KCNMA1: variants seen among roughly 807,000 people sequenced by gnomAD.
KCNMA1 encodes the protein Calcium-activated potassium channel subunit alpha-1.
Under a neutral mutation model 140.0 loss-of-function variants are expected in KCNMA1, and 29 were observed. The ratio of observed to expected loss-of-function variants is 0.21; its 90% CI spans 0.15 to 0.28. The LOEUF is 0.28. KCNMA1 is among the 10% of genes least tolerant of loss of function. The pLI, the probability that KCNMA1 is intolerant of heterozygous loss-of-function variation, is 1.00. For synonymous variants in KCNMA1, 612 were observed against 611.9 expected (o/e 1.00, Z 0.00); for missense variants, 880 against 1,602.2 (o/e 0.55, Z 7.70).
intron 2 of KCNMA1, among the ~76,000 whole-genome samples, chr10:77,258,721 G>A (rs555923703): frequency 6.6e-6 from 1 of 152,272 alleles, no homozygotes; most frequent in Non-Finnish European, 1.5e-5. Flanking sequence ...CCAACACTTT[G>A]GGAGGCTGAG....
chr10:77,218,748 G>A (rs138240467), intron 3 of KCNMA1, among the ~76,000 whole-genome samples: 22 of 152,278 alleles, frequency 1.4e-4, no homozygotes, highest in Admixed American at 3.3e-4. Context: ...GTGCAGTGGT[G>A]CAATCTCGGC....
intron 2 of KCNMA1, among the ~76,000 whole-genome samples, chr10:77,307,310 T>G (rs1305832166): frequency 3.9e-5 from 6 of 152,188 alleles, no homozygotes. Context: ...GTCCCCAACT[T>G]ACAATGGCTC....
At chr10:76,977,417 A>T (rs2077967333) in intron 19 of KCNMA1, 1 of 596,002 alleles carries the variant, frequency 1.7e-6, no homozygotes, top group Admixed American at 2.9e-5. Context: ...ATAAAATTTT[A>T]TCAGACCATA....
At chr10:77,407,392 G>A (rs938562879) in intron 1 of KCNMA1, among the ~76,000 whole-genome samples, 2 of 152,228 alleles carry the variant, frequency 1.3e-5, no homozygotes, top group African/African-American at 4.8e-5. Context: ...TAGCCTTGCT[G>A]GGAACATGCA....
intron 29 of KCNMA1, among the ~76,000 whole-genome samples, chr10:76,879,857 T>C (rs981347716): frequency 4.6e-5 from 7 of 152,226 alleles, no homozygotes; most frequent in Non-Finnish European, 8.8e-5. Context: ...GTGATGGTTA[T>C]CATGTTTTAA....
chr10:77,099,484 G>C (rs563985794), intron 9 of KCNMA1, among the ~76,000 whole-genome samples: 2 of 152,296 alleles, frequency 1.3e-5, no homozygotes, highest in African/African-American at 4.8e-5. Context: ...AGGTTAGAAG[G>C]CTGGCGGATC....
chr10:77,472,951 C>A (rs1183317723), intron 1 of KCNMA1, among the ~76,000 whole-genome samples: 1 of 152,206 alleles, frequency 6.6e-6, no homozygotes, highest in African/African-American at 2.4e-5. Flanking sequence ...TAGGATTGGG[C>A]AGGGTGAGTT....
At chr10:77,602,560 T>C (rs1376571464) in intron 1 of KCNMA1, among the ~76,000 whole-genome samples, 1 of 152,146 alleles carries the variant, frequency 6.6e-6, no homozygotes, top group Admixed American at 6.5e-5. Context: ...GAGTGATACC[T>C]CAATAAAGCT....
At chr10:77,018,182 G>A (rs932184554) in intron 17 of KCNMA1, among the ~76,000 whole-genome samples, 7 of 152,104 alleles carry the variant, frequency 4.6e-5, no homozygotes, top group African/African-American at 1.7e-4. Context: ...CCTAGAACAG[G>A]CCTGGCTTTG....
At chr10:77,322,121 T>C (rs983462226) in intron 2 of KCNMA1, among the ~76,000 whole-genome samples, 5 of 152,176 alleles carry the variant, frequency 3.3e-5, no homozygotes, top group Non-Finnish European at 5.9e-5. Flanking sequence ...TCTCAATGCA[T>C]GGCCTCTGCA....
At chr10:77,204,480 A>G (rs928084485) in intron 3 of KCNMA1, among the ~76,000 whole-genome samples, 2 of 152,242 alleles carry the variant, frequency 1.3e-5, no homozygotes, top group Non-Finnish European at 2.9e-5. Context: ...TCTGAAACTA[A>G]TGAGTATGCA....
intron 2 of KCNMA1, among the ~76,000 whole-genome samples, chr10:77,322,705 T>C (rs767050556): frequency 5.3e-5 from 8 of 152,162 alleles, no homozygotes; most frequent in Non-Finnish European, 1.2e-4. Flanking sequence ...ATTGCAAATT[T>C]TCCTCTACCT....
intron 1 of KCNMA1, among the ~76,000 whole-genome samples, chr10:77,505,080 C>T (rs912337843): frequency 1.1e-4 from 17 of 152,250 alleles, no homozygotes; most frequent in East Asian, 3.9e-4. Flanking sequence ...TAACGGCTGG[C>T]GGCTGAGTCA....
intron 14 of KCNMA1, among the ~76,000 whole-genome samples, chr10:77,042,793 G>A (rs1594585979): frequency 6.6e-6 from 1 of 152,220 alleles, no homozygotes; most frequent in Non-Finnish European, 1.5e-5. Flanking sequence ...CACATTTTTT[G>A]TAGGATAACA....
intron 1 of KCNMA1, among the ~76,000 whole-genome samples, chr10:77,626,629 A>G (rs1220251175): frequency 6.6e-6 from 1 of 152,206 alleles, no homozygotes; most frequent in Non-Finnish European, 1.5e-5. Flanking sequence ...AACAACGTCA[A>G]TGTGGCAACT....
chr10:77,168,946 G>C (rs950755415), intron 5 of KCNMA1, among the ~76,000 whole-genome samples: 1 of 152,134 alleles, frequency 6.6e-6, no homozygotes, highest in Non-Finnish European at 1.5e-5. Flanking sequence ...ATATGTGAAC[G>C]AATGAACATG....
chr10:77,443,302 C>T (rs892008333), intron 1 of KCNMA1, among the ~76,000 whole-genome samples: 5 of 152,194 alleles, frequency 3.3e-5, no homozygotes, highest in Non-Finnish European at 7.3e-5. Flanking sequence ...AGAAGCCCTG[C>T]ATTCATGGTC....
At chr10:77,088,432 TG>T (rs2153784830) in intron 10 of KCNMA1, among the ~76,000 whole-genome samples, 1 of 151,654 alleles carries the variant, frequency 6.6e-6, no homozygotes, top group East Asian at 2.0e-4. Flanking sequence ...AGCCAGTTTT[TG>T]TTTTGTTTTG....
At chr10:77,602,986 C>CG (rs1383884296) in intron 1 of KCNMA1, among the ~76,000 whole-genome samples, 2 of 152,108 alleles carry the variant, frequency 1.3e-5, no homozygotes, top group Admixed American at 1.3e-4. Flanking sequence ...TCAGGGAAGC[C>CG]GGGGCTGGCA....
Sources: allele counts gnomAD v4.1 joint callset (sites outside exome capture counted in the v4.1 genomes callset), GRCh38; gene constraint gnomAD v4.1.1; transcripts MANE v1.5; gene names NCBI Gene and HGNC (gene_info 2026-07-23, HGNC 2026-07-21).